The following RAB11FIP4 variants were observed in gnomAD, a reference collection of about 807,000 sequenced individuals.
RAB11FIP4 encodes rab11 family-interacting protein 4.
A neutral mutation model predicts 74.3 loss-of-function variants in RAB11FIP4; 23 were observed. The observed-to-expected ratio is 0.31, with a 90% CI of 0.22 to 0.44. The LOEUF (loss-of-function observed/expected upper bound fraction) is 0.44. Among genes scored for constraint, RAB11FIP4 ranks in the 20% least tolerant of loss-of-function variants. The pLI is 1.00. For missense variants in RAB11FIP4, 630 were observed against 863.9 expected, an observed-to-expected ratio of 0.73 and a Z score of 3.39; for synonymous variants, 360 against 359.9, an observed-to-expected ratio of 1.00 and a Z score of 0.00.
chr17:31,427,838 C>G (rs2071268258), intron 1 of RAB11FIP4, among the ~76,000 whole-genome samples: 4 of 152,176 alleles, frequency 2.6e-5, no homozygotes, highest in Admixed American at 2.0e-4. Context: ...TGCAGCCCTG[C>G]AGGTGGCACC....
At chr17:31,472,757 G>C (rs1169941107) in intron 3 of RAB11FIP4, among the ~76,000 whole-genome samples, 1 of 151,810 alleles carries the variant, frequency 6.6e-6, no homozygotes, top group Admixed American at 6.6e-5. Flanking sequence ...TGGAGGCCAG[G>C]CATGGTGGTT....
chr17:31,520,729 G>A (rs1022118084), intron 4 of RAB11FIP4, among the ~76,000 whole-genome samples: 2 of 152,244 alleles, frequency 1.3e-5, no homozygotes, highest in East Asian at 1.9e-4. Flanking sequence ...GGATGGTCTC[G>A]ATCTCCTGAC....
intron 3 of RAB11FIP4, chr17:31,465,842 A>C (rs915716696): frequency 2.6e-5 from 4 of 152,046 alleles, no homozygotes; most frequent in African/African-American, 7.3e-5. Flanking sequence ...TCTTTAAAAA[A>C]TAAAAAAAAG....
intron 2 of RAB11FIP4, among the ~76,000 whole-genome samples, chr17:31,433,174 A>G (rs574700897): frequency 1.3e-5 from 2 of 152,318 alleles, no homozygotes; most frequent in Admixed American, 1.3e-4. Flanking sequence ...AGACAGTGGC[A>G]TAGGTCACCA....
intron 1 of RAB11FIP4, among the ~76,000 whole-genome samples, chr17:31,431,370 C>G (rs1000256961): frequency 6.6e-6 from 1 of 152,214 alleles, no homozygotes; most frequent in African/African-American, 2.4e-5. Context: ...TCATCAGCCA[C>G]CAGTGTCCAT....
chr17:31,443,597 G>A (rs113842880), intron 3 of RAB11FIP4, among the ~76,000 whole-genome samples: 1,513 of 148,352 alleles, frequency 0.01, 24 homozygotes, highest in African/African-American at 0.035. Flanking sequence ...GCTTACGCAC[G>A]CAGTCCCCTG....
chr17:31,445,551 TATATATATATATATATATATATATATA>T (rs1327278838), intron 3 of RAB11FIP4, among the ~76,000 whole-genome samples: 20 of 11,132 alleles, frequency 1.8e-3, no homozygotes, highest in South Asian at 4.4e-3. Flanking sequence ...TATATATATA[TATATATATATATATATATATATATATA>T]TTTTTTTTTT....
intron 3 of RAB11FIP4, among the ~76,000 whole-genome samples, chr17:31,445,607 A>G (rs2071456230): frequency 1.0e-5 from 1 of 98,238 alleles, no homozygotes; most frequent in Admixed American, 1.4e-4. Flanking sequence ...TTTTTTTGAC[A>G]CGGAGTCTTG....
At chr17:31,402,114 A>G (rs2151615129) in intron 1 of RAB11FIP4, among the ~76,000 whole-genome samples, 1 of 152,108 alleles carries the variant, frequency 6.6e-6, no homozygotes, top group Middle Eastern at 3.4e-3. Context: ...TCCATTCATT[A>G]GCCACGCACC....
intron 3 of RAB11FIP4, among the ~76,000 whole-genome samples, chr17:31,508,124 G>A (rs2072386922): frequency 1.3e-5 from 2 of 152,146 alleles, no homozygotes; most frequent in Admixed American, 6.5e-5. Context: ...CACTGTGCCC[G>A]GCCCGTTTTT....
At chr17:31,515,634 G>C (rs937784985) in intron 3 of RAB11FIP4, among the ~76,000 whole-genome samples, 14 of 152,078 alleles carry the variant, frequency 9.2e-5, no homozygotes, top group African/African-American at 3.4e-4. Context: ...GCCTGTTTCT[G>C]TTGCCCTTCT....
intron 3 of RAB11FIP4, among the ~76,000 whole-genome samples, chr17:31,505,633 A>AT (rs1567681531): frequency 5.9e-4 from 42 of 70,802 alleles, no homozygotes; most frequent in Admixed American, 1.3e-3. Flanking sequence ...ATAATTATAT[A>AT]ATAATAATTA....
chr17:31,460,884 C>CA (rs2071627436), intron 3 of RAB11FIP4, among the ~76,000 whole-genome samples: 1 of 152,084 alleles, frequency 6.6e-6, no homozygotes, highest in Non-Finnish European at 1.5e-5. Flanking sequence ...GTGTGCACCA[C>CA]CACGCCCGGC....
chr17:31,437,448 G>A (rs1371559969), intron 3 of RAB11FIP4, among the ~76,000 whole-genome samples: 1 of 152,128 alleles, frequency 6.6e-6, no homozygotes, highest in Non-Finnish European at 1.5e-5. Context: ...TGTCTTAGCT[G>A]TCCCCTAGGG....
At chr17:31,528,312 G>T in intron 11 of RAB11FIP4, 94 bp from the exon 12 acceptor site, 1 of 1,430,102 alleles carries the variant, frequency 7.0e-7, no homozygotes, top group Non-Finnish European at 9.4e-7. Context: ...CATCTGCCTC[G>T]TGAAGATGGC....
At chr17:31,491,710 G>C (rs2072012352) in intron 3 of RAB11FIP4, among the ~76,000 whole-genome samples, 2 of 152,216 alleles carry the variant, frequency 1.3e-5, no homozygotes, top group South Asian at 4.1e-4. Flanking sequence ...TGACAACCCA[G>C]AATCCCAGGA....
intron 3 of RAB11FIP4, among the ~76,000 whole-genome samples, chr17:31,455,603 C>G (rs1292733850): frequency 2.0e-5 from 3 of 152,026 alleles, no homozygotes; most frequent in African/African-American, 7.3e-5. Context: ...CCTCACTGTA[C>G]CTACTCAAAC....
In RAB11FIP4 at chr17:31,535,523, G is replaced by A. The variant is rs1017297718; in HGVS notation, c.*3791G>A. On this transcript the variant is annotated 3_prime_UTR_variant, in exon 15 of 15. Transcript: ENST00000621161. ...CGTTGGCCAGAGGTAGAGGAAACTG[G>A]TCAAAGTGGCTGTTGGGCTTGTCAA... 25 of 152,504 alleles carry A rather than the reference G, an allele frequency of 1.6e-4. No individual in the cohort carries two copies. The highest frequency in any genetic ancestry group is 5.8e-4 in the African/African-American group (24 of 41,576). The allele number at this position is 152,504 out of a possible 1,614,324, so 9.4% of individuals were successfully genotyped here.
At position 31,434,036 on chromosome 17, in the gene RAB11FIP4, T is replaced by A. The variant is rs887379998; in HGVS notation, c.250T>A (p.Cys84Ser). The A allele has an allele frequency of 3.8e-6, 6 of 1,580,256 alleles. No individual in the cohort carries two copies. The highest frequency in any genetic ancestry group is 5.1e-6 in the Non-Finnish European group (6 of 1,171,848). ...FCRGVFAMKG[C>S]EELLKDVLSV... Reference sequence around the variant, plus strand: ...CGTGTGTCTGCCTGTCTGCGCAGGGTGCGAGGAGCTGCTGAAGGATGTGCT... The same window carrying A: ...CGTGTGTCTGCCTGTCTGCGCAGGGAGCGAGGAGCTGCTGAAGGATGTGCT... Residue 84 changes from cysteine to serine, a missense_variant and splice_region_variant, in exon 3 of 15, where the codon TGC (cysteine) becomes AGC (serine). Coordinates refer to ENST00000621161, the MANE Select transcript of RAB11FIP4 (RefSeq NM_032932.6).
Sources: allele counts gnomAD v4.1 joint callset (sites outside exome capture counted in the v4.1 genomes callset), GRCh38; gene constraint gnomAD v4.1.1; transcripts MANE v1.5; gene names NCBI Gene and HGNC (gene_info 2026-07-23, HGNC 2026-07-21).